Variants in PDZRN3 observed in about 807,000 individuals in gnomAD.
PDZRN3 encodes E3 ubiquitin-protein ligase PDZRN3.
Under a neutral mutation model 85.7 loss-of-function variants are expected in PDZRN3, and 38 were observed. That is an observed-to-expected ratio of 0.44 (90% CI 0.34 to 0.58). The LOEUF (loss-of-function observed/expected upper bound fraction) is 0.58, where lower values mean the gene tolerates loss of function less well. Ranked by LOEUF, PDZRN3 falls within the 20% of genes least tolerant of loss-of-function variation. The pLI, the probability that PDZRN3 is intolerant of heterozygous loss-of-function variation, is 0.01. For synonymous variants in PDZRN3, 759 were observed against 638.0 expected, an observed-to-expected ratio of 1.19 and a Z score of -2.86; for missense variants, 1,629 against 1,506.4, an observed-to-expected ratio of 1.08 and a Z score of -1.35.
chr3:73,456,742 T>C (rs1402146274), intron 3 of PDZRN3, among the ~76,000 whole-genome samples: 1 of 152,194 alleles, frequency 6.6e-6, no homozygotes, highest in Non-Finnish European at 1.5e-5. Context: ...GCTGAAAAGT[T>C]TTGTTTCCTG....
intron 3 of PDZRN3, among the ~76,000 whole-genome samples, chr3:73,538,831 T>C (rs937865003): frequency 1.3e-5 from 2 of 152,160 alleles, no homozygotes; most frequent in Admixed American, 6.6e-5. Context: ...AACTGATGCA[T>C]AAGAGACGTT....
chr3:73,493,989 G>A (rs999395503), intron 3 of PDZRN3, among the ~76,000 whole-genome samples: 58 of 152,188 alleles, frequency 3.8e-4, no homozygotes, highest in African/African-American at 1.4e-3. Context: ...ATCAACGTTG[G>A]ATGACCAGAT....
intron 1 of PDZRN3, among the ~76,000 whole-genome samples, chr3:73,622,900 T>C (rs529387058): frequency 4.6e-5 from 7 of 152,264 alleles, no homozygotes; most frequent in South Asian, 2.1e-4. Flanking sequence ...AGCAACATGA[T>C]AGTTTATAGA....
At chr3:73,594,034 T>A (rs767129907) in intron 3 of PDZRN3, 2 of 152,178 alleles carry the variant, frequency 1.3e-5, no homozygotes, top group Non-Finnish European at 2.9e-5. Flanking sequence ...GAGTTTTATA[T>A]TTATCTGACT....
chr3:73,383,416 G>A lies in PDZRN3; in HGVS notation c.3150C>T (p.Ser1050=), dbSNP rs952795899. Residue 1050 remains serine (S), a synonymous_variant, in exon 10 of 10, where the codon TCC becomes TCT. Coordinates refer to ENST00000263666, the MANE Select transcript of PDZRN3 (RefSeq NM_015009.3). ...IQELLTHGTK[S]PDGTRVYNSF... is the part of the protein sequence containing the mutation. ...AATTGTATACTCTAGTGCCGTCCGG[G>A]GATTTTGTGCCGTGGGTTAAGAGTT... The A allele has an allele frequency of 3.7e-6, 6 of 1,613,930 alleles. No homozygotes were observed. The highest frequency in any genetic ancestry group is 5.1e-6 in the Non-Finnish European group (6 of 1,179,962).
At chr3:73,529,325 C>T (rs1006000804) in intron 3 of PDZRN3, among the ~76,000 whole-genome samples, 5 of 152,140 alleles carry the variant, frequency 3.3e-5, no homozygotes, top group African/African-American at 1.2e-4. Flanking sequence ...TGTCCCAAGG[C>T]ATTAAGACAA....
intron 3 of PDZRN3, among the ~76,000 whole-genome samples, chr3:73,453,697 T>C (rs1453238364): frequency 1.3e-5 from 2 of 152,186 alleles, no homozygotes; most frequent in African/African-American, 4.8e-5. Flanking sequence ...GAAAAACTCT[T>C]AAATTTCTCC....
rs781699745 is a variant in PDZRN3 at position 73,383,660 on chromosome 3, A to G, written c.2906T>C (p.Met969Thr). ...CTCCTCCTTGCTCCAGTAGCGCCCC[A>G]TCTTCATCTCGCTCACCGCGTCGTC... ...TDDDAVSEMK[M>T]GRYWSKEERK... Residue 969 changes from methionine (M) to threonine (T), a missense_variant, in exon 10 of 10, where the codon ATG (methionine) becomes ACG (threonine). Coordinates refer to ENST00000263666, the MANE Select transcript of PDZRN3 (RefSeq NM_015009.3). 2 of 1,612,406 alleles carry G rather than the reference A, an allele frequency of 1.2e-6. No homozygotes were observed. Among genetic ancestry groups the G allele is most frequent in the African/African-American group, 1.3e-5 (1 of 74,790 alleles).
chr3:73,443,069 G>A lies in PDZRN3; in HGVS notation c.919-38674C>T, dbSNP rs529356698. Among the ~76,000 whole-genome samples the A allele has an allele frequency of 9.2e-5, 14 of 152,242 alleles. No individual in the cohort carries two copies. The South Asian group carries it at 2.3e-3, about 25-fold the overall frequency. On this transcript the variant is annotated intron_variant, in intron 3 of 9. Transcript: ENST00000263666. ...CGTGGGAATCCGGCTGCTCCCAGCCGCGCCCCACCACCGGCCCAGTGGGTG... is the reference window on the plus strand; with the variant it reads ...CGTGGGAATCCGGCTGCTCCCAGCCACGCCCCACCACCGGCCCAGTGGGTG...
At chr3:73,526,061 T>C (rs540183271) in intron 3 of PDZRN3, among the ~76,000 whole-genome samples, 1 of 152,290 alleles carries the variant, frequency 6.6e-6, no homozygotes, top group East Asian at 1.9e-4. Context: ...GACTACGTGA[T>C]CTCGGCAAGT....
At chr3:73,580,748 A>C (rs2106866216) in intron 3 of PDZRN3, among the ~76,000 whole-genome samples, 1 of 152,318 alleles carries the variant, frequency 6.6e-6, no homozygotes, top group Non-Finnish European at 1.5e-5. Flanking sequence ...CTTTTATTTA[A>C]CCTTGACTTG....
chr3:73,397,648 T>C (rs1701666884), intron 5 of PDZRN3, among the ~76,000 whole-genome samples: 1 of 152,246 alleles, frequency 6.6e-6, no homozygotes, highest in South Asian at 2.1e-4. Flanking sequence ...GAGACCCTTC[T>C]GGTGAGTGGC....
At chr3:73,597,264 C>G (rs1356770337) in intron 3 of PDZRN3, among the ~76,000 whole-genome samples, 4 of 152,144 alleles carry the variant, frequency 2.6e-5, no homozygotes, top group Admixed American at 2.6e-4. Context: ...CATTGCTAAT[C>G]CTTTCTAGCT....
At chr3:73,576,970 G>A (rs1702134188) in intron 3 of PDZRN3, among the ~76,000 whole-genome samples, 1 of 152,168 alleles carries the variant, frequency 6.6e-6, no homozygotes, top group Non-Finnish European at 1.5e-5. Flanking sequence ...ACTGATTACA[G>A]GGTTGTCAAA....
At chr3:73,571,318 A>G (rs1702043259) in intron 3 of PDZRN3, among the ~76,000 whole-genome samples, 1 of 152,216 alleles carries the variant, frequency 6.6e-6, no homozygotes, top group Non-Finnish European at 1.5e-5. Flanking sequence ...CCCGCTATTC[A>G]GTATTCCCAC....
chr3:73,551,894 C>T (rs1701567748), intron 3 of PDZRN3, among the ~76,000 whole-genome samples: 1 of 152,096 alleles, frequency 6.6e-6, no homozygotes, highest in South Asian at 2.1e-4. Flanking sequence ...CATTATCCTT[C>T]CCCTGTTGTA....
At chr3:73,483,870 A>C (rs1703614185) in intron 3 of PDZRN3, among the ~76,000 whole-genome samples, 1 of 152,232 alleles carries the variant, frequency 6.6e-6, no homozygotes, top group Non-Finnish European at 1.5e-5. Flanking sequence ...AGGGCCTTGG[A>C]GGCCAGGCAA....
intron 3 of PDZRN3, among the ~76,000 whole-genome samples, chr3:73,501,733 G>C (rs570619223): frequency 6.6e-6 from 1 of 152,184 alleles, no homozygotes; most frequent in Non-Finnish European, 1.5e-5. Context: ...GTCATTAGAA[G>C]GCCAGGTGTG....
chr3:73,451,698 C>T (rs1404947598), intron 3 of PDZRN3, among the ~76,000 whole-genome samples: 1 of 152,166 alleles, frequency 6.6e-6, no homozygotes, highest in African/African-American at 2.4e-5. Context: ...GCACACCTGC[C>T]CACTGTGTTA....
Sources: allele counts gnomAD v4.1 joint callset (sites outside exome capture counted in the v4.1 genomes callset), GRCh38; gene constraint gnomAD v4.1.1; transcripts MANE v1.5; gene names NCBI Gene and HGNC (gene_info 2026-07-23, HGNC 2026-07-21).